Variants in LRP1B observed in about 807,000 individuals in gnomAD.
The protein encoded by LRP1B is low-density lipoprotein receptor-related protein 1B.
A neutral mutation model predicts 556.6 loss-of-function variants in LRP1B; 217 were observed. That is an observed-to-expected ratio of 0.39 (90% CI 0.35 to 0.44). The LOEUF is 0.44. LRP1B is among the 20% of genes least tolerant of loss of function. The pLI, the probability that LRP1B is intolerant of heterozygous loss-of-function variation, is 1.00. For synonymous variants in LRP1B, 2,047 were observed against 1,865.8 expected (o/e 1.10, Z -2.50); for missense variants, 5,053 against 5,620.8 (o/e 0.90, Z 3.23).
chr2:140,325,821 A>C lies in LRP1B; in HGVS notation c.12281T>G (p.Ile4094Ser). The C allele has an allele frequency of 6.2e-7, 1 of 1,613,242 alleles. No homozygotes were observed. Among genetic ancestry groups the C allele is most frequent in the Non-Finnish European group, 8.5e-7 (1 of 1,179,562 alleles). ...RIYWADFELS[I>S]IGSVLYDGSN... is the part of the protein sequence containing the mutation. ...GCCATCATACAGAACACTGCCAATGATGGAGAGCTCAAAGTCAGCCCAATA... is the reference window on the plus strand; with the variant it reads ...GCCATCATACAGAACACTGCCAATGCTGGAGAGCTCAAAGTCAGCCCAATA... The change falls in exon 80 of 91, where the codon ATC becomes AGC. Residue 4094 changes from isoleucine to serine, a missense_variant. Physicochemically the swap from Ile to Ser is moderately radical, Grantham distance 142. Transcript: ENST00000389484.
In LRP1B at chr2:140,702,560, T is replaced by G; in HGVS notation, c.6024-7A>C. ...TTCAGTCCAGAACAAGAGGCTGAAATTAAATTGTTAATTTGTAGTGTTTAT... is the reference window on the plus strand; with the variant it reads ...TTCAGTCCAGAACAAGAGGCTGAAAGTAAATTGTTAATTTGTAGTGTTTAT... On this transcript the variant is annotated splice_polypyrimidine_tract_variant and splice_region_variant and intron_variant, in intron 37 of 90. Coordinates refer to ENST00000389484, the MANE Select transcript of LRP1B (RefSeq NM_018557.3). The G allele has an allele frequency of 4.3e-6, 7 of 1,612,424 alleles. No individual in the cohort carries two copies. Among genetic ancestry groups the G allele is most frequent in the Non-Finnish European group, 5.9e-6 (7 of 1,178,920 alleles).
chr2:141,324,008 C>CACAT (rs528456463), intron 3 of LRP1B, among the ~76,000 whole-genome samples: 2,337 of 139,920 alleles, frequency 0.017, 52 homozygotes, highest in Non-Finnish European at 0.028. Context: ...CACACACACA[C>CACAT]ACACACCTGA....
chr2:140,689,022 T>C (rs1364152919), intron 41 of LRP1B, among the ~76,000 whole-genome samples: 2 of 152,240 alleles, frequency 1.3e-5, no homozygotes, highest in East Asian at 3.8e-4. Flanking sequence ...CCAAAGTTAA[T>C]TGATATCATC....
rs538660151 is a variant in LRP1B at position 140,728,495 on chromosome 2, A to AG, written c.5759-11680dup. Among the ~76,000 whole-genome samples, 17 of 152,316 alleles carry AG rather than the reference A, an allele frequency of 1.1e-4. No homozygotes were observed. In the East Asian group the frequency reaches 3.1e-3, roughly 28 times the overall value. On this transcript the variant is annotated intron_variant, in intron 35 of 90. Transcript: ENST00000389484. Reference sequence around the variant, plus strand: ...CAGCATGTTGCATAAACATATCTTCAGGGGACCAGCAACCCATTTCAGAAA... The same window carrying AG: ...CAGCATGTTGCATAAACATATCTTCAGGGGGACCAGCAACCCATTTCAGAAA...
At chr2:141,987,013 G>A (rs1159883583) in intron 1 of LRP1B, among the ~76,000 whole-genome samples, 3 of 151,900 alleles carry the variant, frequency 2.0e-5, no homozygotes, top group African/African-American at 4.8e-5. Flanking sequence ...TAAAAATGCG[G>A]ATAACAGTAT....
chr2:140,846,000 A>G (rs1386198637), intron 29 of LRP1B, among the ~76,000 whole-genome samples: 1 of 152,136 alleles, frequency 6.6e-6, no homozygotes, highest in Non-Finnish European at 1.5e-5. Flanking sequence ...GGATTGATGA[A>G]AGACAGGGCC....
At chr2:141,515,239 T>G (rs183985083) in intron 2 of LRP1B, among the ~76,000 whole-genome samples, 2,501 of 151,382 alleles carry the variant, frequency 0.017, 33 homozygotes, top group Middle Eastern at 0.044. Flanking sequence ...GAGGTGGAGG[T>G]TGCGGTGAGC....
At chr2:140,428,801 T>C (rs1167140489) in intron 66 of LRP1B, among the ~76,000 whole-genome samples, 1 of 152,200 alleles carries the variant, frequency 6.6e-6, no homozygotes, top group East Asian at 1.9e-4. Flanking sequence ...GCCAGGCTTC[T>C]AAACCTCTTT....
intron 41 of LRP1B, among the ~76,000 whole-genome samples, chr2:140,689,066 A>G (rs972791767): frequency 1.3e-5 from 2 of 152,272 alleles, no homozygotes; most frequent in Non-Finnish European, 2.9e-5. Flanking sequence ...GAATTAAAAT[A>G]AAACATATTT....
intron 25 of LRP1B, among the ~76,000 whole-genome samples, chr2:140,870,376 C>G (rs1256903142): frequency 6.6e-6 from 1 of 152,048 alleles, no homozygotes; most frequent in Non-Finnish European, 1.5e-5. Flanking sequence ...AATTATATAC[C>G]ACTCCTCAAA....
chr2:140,999,128 A>C (rs1379474640), intron 15 of LRP1B, among the ~76,000 whole-genome samples: 2 of 152,092 alleles, frequency 1.3e-5, no homozygotes, highest in South Asian at 2.1e-4. Context: ...AACTGAAATA[A>C]TTTCTATAAA....
intron 1 of LRP1B, among the ~76,000 whole-genome samples, chr2:142,090,242 G>A (rs1156809263): frequency 1.3e-5 from 2 of 151,964 alleles, no homozygotes; most frequent in African/African-American, 4.8e-5. Context: ...TAATTATGAG[G>A]CTTGGTTTTA....
At position 141,025,115 on chromosome 2, in the gene LRP1B, T is replaced by A. The variant is rs575540051; in HGVS notation, c.1790-5013A>T. Among the ~76,000 whole-genome samples, 5 of 152,212 alleles carry A rather than the reference T, an allele frequency of 3.3e-5. No individual in the cohort carries two copies. In the South Asian group the frequency reaches 1.0e-3, roughly 32 times the overall value. ...AGTCATAATCTGGTAGTCACTAATA[T>A]ATGCAGATAGATAGAGCAAACAAAT... is the stretch of plus-strand genomic sequence containing the variant. On this transcript the variant is annotated intron_variant, in intron 11 of 90. Coordinates refer to ENST00000389484, the MANE Select transcript of LRP1B (RefSeq NM_018557.3).
rs143950351 is a variant in LRP1B, at chr2:141,555,628, T to A, written c.206-75095A>T. 4.8e-3 allele frequency among the ~76,000 whole-genome samples: 727 copies of A among 152,068 alleles called. 5 individuals carry two copies. Among genetic ancestry groups the A allele is most frequent in the Admixed American group, 8.8e-3 (134 of 15,208 alleles). On this transcript the variant is annotated intron_variant, in intron 2 of 90. Coordinates refer to ENST00000389484, the MANE Select transcript of LRP1B (RefSeq NM_018557.3). ...TCTGCAGTGAAAAGGAACAAGCTCG[T>A]CATTATCTGAATTATTTGTGTTTTT...
At chr2:142,054,417 A>T (rs1042570477) in intron 1 of LRP1B, among the ~76,000 whole-genome samples, 1 of 152,004 alleles carries the variant, frequency 6.6e-6, no homozygotes, top group Non-Finnish European at 1.5e-5. Flanking sequence ...AAATGCCATA[A>T]ATTCTAGGCA....
chr2:141,517,473 T>C (rs1559116972), intron 2 of LRP1B, among the ~76,000 whole-genome samples: 1 of 152,144 alleles, frequency 6.6e-6, no homozygotes, highest in Non-Finnish European at 1.5e-5. Context: ...TGGAAATCAC[T>C]AGGTATGCAA....
At chr2:140,341,693 G>A (rs115506427) in intron 77 of LRP1B, among the ~76,000 whole-genome samples, 230 of 151,522 alleles carry the variant, frequency 1.5e-3, no homozygotes, top group African/African-American at 5.1e-3. Flanking sequence ...CGTTGTGTCT[G>A]GGGATATATA....
At chr2:140,292,117 G>A (rs981957820) in intron 84 of LRP1B, among the ~76,000 whole-genome samples, 7 of 152,036 alleles carry the variant, frequency 4.6e-5, no homozygotes, top group African/African-American at 7.2e-5. Flanking sequence ...GAGAAGCCTA[G>A]TTTTCAGAGT....
At chr2:140,334,939 T>A (rs1004672079) in intron 78 of LRP1B, among the ~76,000 whole-genome samples, 3 of 152,040 alleles carry the variant, frequency 2.0e-5, no homozygotes, top group Non-Finnish European at 4.4e-5. Context: ...ATGAACACGC[T>A]ATTTTTTTTA....
Sources: allele counts gnomAD v4.1 joint callset (sites outside exome capture counted in the v4.1 genomes callset), GRCh38; gene constraint gnomAD v4.1.1; transcripts MANE v1.5; gene names NCBI Gene and HGNC (gene_info 2026-07-23, HGNC 2026-07-21).